The following PROS1 variants were observed in gnomAD, a reference collection of about 807,000 sequenced individuals.
PROS1 encodes the protein vitamin K-dependent protein S.
In PROS1, 29 loss-of-function variants were observed where a neutral mutation model predicts 75.9. The ratio of observed to expected loss-of-function variants is 0.38; its 90% CI spans 0.28 to 0.52. The LOEUF is 0.52. Ranked by LOEUF, PROS1 falls within the 20% of genes least tolerant of loss-of-function variation. The pLI, the probability that PROS1 is intolerant of heterozygous loss-of-function variation, is 0.83. For missense variants in PROS1, 680 were observed against 810.3 expected (o/e 0.84, Z 1.95); for synonymous variants, 245 against 280.6 (o/e 0.87, Z 1.27).
chr3:93,910,803 C>T (rs1708749725), intron 3 of PROS1, 98 bp from the exon 4 acceptor site: 7 of 931,316 alleles, frequency 7.5e-6, no homozygotes, highest in Non-Finnish European at 1.2e-5. Context: ...CATTTATGCT[C>T]CTGTAGATTC....
chr3:93,947,911 T>C (rs1299855050), intron 1 of PROS1, among the ~76,000 whole-genome samples: 2 of 152,136 alleles, frequency 1.3e-5, no homozygotes, highest in Non-Finnish European at 2.9e-5. Flanking sequence ...CCCCCTTACC[T>C]TGGCATTGCC....
At chr3:93,880,099 A>G (rs1393365116) in intron 12 of PROS1, among the ~76,000 whole-genome samples, 1 of 152,228 alleles carries the variant, frequency 6.6e-6, no homozygotes, top group Non-Finnish European at 1.5e-5. Flanking sequence ...TACCACACGG[A>G]GCCCTTGAAA....
chr3:93,940,010 C>G (rs755511430), intron 1 of PROS1, among the ~76,000 whole-genome samples: 3 of 152,256 alleles, frequency 2.0e-5, no homozygotes, highest in Admixed American at 6.5e-5. Context: ...CACACAAGAA[C>G]TTCAAAACGC....
intron 10 of PROS1, among the ~76,000 whole-genome samples, chr3:93,891,440 T>G (rs1708429488): frequency 6.6e-6 from 1 of 152,152 alleles, no homozygotes; most frequent in African/African-American, 2.4e-5. Flanking sequence ...TTCTTTCTTT[T>G]TATTTTTGAG....
At position 93,911,859 on chromosome 3, in the gene PROS1, G is replaced by C. The variant is rs146971637; in HGVS notation, c.260-1154C>G. Among the ~76,000 whole-genome samples, 38 of 152,312 alleles carry C rather than the reference G, an allele frequency of 2.5e-4. No homozygotes were observed. The East Asian group carries it at 6.2e-3, about 25-fold the overall frequency. On this transcript the variant is annotated intron_variant, in intron 3 of 14. Transcript: ENST00000394236. ...AGGGTCCACCCAGATTCAAAGGGTA[G>C]GGTGTGGGTGGGGGATTTATTCTAC...
intron 3 of PROS1, among the ~76,000 whole-genome samples, chr3:93,917,395 G>A (rs1708873174): frequency 6.6e-6 from 1 of 152,230 alleles, no homozygotes; most frequent in Non-Finnish European, 1.5e-5. Context: ...CACCTCCTGG[G>A]TTCAAGTGAT....
intron 1 of PROS1, among the ~76,000 whole-genome samples, chr3:93,937,752 C>G (rs1709208522): frequency 6.6e-6 from 1 of 152,166 alleles, no homozygotes; most frequent in South Asian, 2.1e-4. Context: ...TCTTTGGTTT[C>G]ACTTCCTTGT....
chr3:93,903,618 C>T (rs574986339), intron 6 of PROS1, among the ~76,000 whole-genome samples: 5 of 152,140 alleles, frequency 3.3e-5, no homozygotes, highest in East Asian at 3.9e-4. Context: ...GAGTTGAGAT[C>T]GTTCCACTGC....
chr3:93,933,878 G>A (rs1238879337), intron 1 of PROS1, among the ~76,000 whole-genome samples: 1 of 152,060 alleles, frequency 6.6e-6, no homozygotes, highest in Non-Finnish European at 1.5e-5. Context: ...GCACGGTGGT[G>A]CGTGCTTGTA....
At chr3:93,927,443 T>G in intron 1 of PROS1, 36 bp from the exon 2 acceptor site, 1 of 1,598,952 alleles carries the variant, frequency 6.3e-7, no homozygotes. Context: ...AATTAATCAT[T>G]TTTCCATGTA....
At chr3:93,891,578 T>G (rs1708431274) in intron 10 of PROS1, among the ~76,000 whole-genome samples, 1 of 152,000 alleles carries the variant, frequency 6.6e-6, no homozygotes, top group South Asian at 2.1e-4. Context: ...CCTGACTAAT[T>G]TTTGTATTTT....
chr3:93,965,895 A>C (rs1324840761), intron 1 of PROS1, among the ~76,000 whole-genome samples: 1 of 151,970 alleles, frequency 6.6e-6, no homozygotes, highest in Non-Finnish European at 1.5e-5. Context: ...GGGTTTCATC[A>C]TGTTGGCCAG....
intron 3 of PROS1, among the ~76,000 whole-genome samples, chr3:93,920,902 G>A (rs1190756969): frequency 6.6e-6 from 1 of 152,026 alleles, no homozygotes. Flanking sequence ...CTGAACTGAA[G>A]TGTGAAAATT....
intron 2 of PROS1, among the ~76,000 whole-genome samples, chr3:93,926,320 A>C (rs1366594565): frequency 6.6e-6 from 1 of 152,172 alleles, no homozygotes; most frequent in Non-Finnish European, 1.5e-5. Flanking sequence ...TACAATTGTG[A>C]CTTAAAATCT....
intron 1 of PROS1, among the ~76,000 whole-genome samples, chr3:93,970,320 T>C (rs1453548981): frequency 6.6e-6 from 1 of 152,118 alleles, no homozygotes; most frequent in Admixed American, 6.5e-5. Context: ...GATTAAAATA[T>C]GTAGACAGTA....
chr3:93,940,951 C>T (rs1056106059), intron 1 of PROS1, among the ~76,000 whole-genome samples: 2 of 152,108 alleles, frequency 1.3e-5, no homozygotes, highest in Non-Finnish European at 2.9e-5. Context: ...GTGCCCAACC[C>T]GTACACTCTT....
At position 93,931,647 on chromosome 3, in the gene PROS1, C is replaced by T. The variant is rs115996372; in HGVS notation, c.77-4240G>A. 2.0e-3 allele frequency among the ~76,000 whole-genome samples: 301 copies of T among 152,308 alleles called. 1 individual carries two copies. The highest frequency in any genetic ancestry group is 6.7e-3 in the African/African-American group (277 of 41,570). Reference sequence around the variant, plus strand: ...TCACACTGACTGCTTGAATCCCTTTCCTTTAGGGCCCAATCGGACAGCTAC... The same window carrying T: ...TCACACTGACTGCTTGAATCCCTTTTCTTTAGGGCCCAATCGGACAGCTAC... On this transcript the variant is annotated intron_variant, in intron 1 of 14. Coordinates refer to ENST00000394236, the MANE Select transcript of PROS1 (RefSeq NM_000313.4).
intron 1 of PROS1, among the ~76,000 whole-genome samples, chr3:93,942,757 C>G (rs1709308363): frequency 6.6e-6 from 1 of 152,240 alleles, no homozygotes; most frequent in Admixed American, 6.5e-5. Context: ...TAGAACCTCT[C>G]ATTTGCTTTC....
At chr3:93,875,097 C>T (rs1357826592) in intron 14 of PROS1, among the ~76,000 whole-genome samples, 1 of 152,018 alleles carries the variant, frequency 6.6e-6, no homozygotes, top group African/African-American at 2.4e-5. Context: ...AACTTGCCAA[C>T]ACAGTGAATA....
Sources: allele counts gnomAD v4.1 joint callset (sites outside exome capture counted in the v4.1 genomes callset), GRCh38; gene constraint gnomAD v4.1.1; transcripts MANE v1.5; gene names NCBI Gene and HGNC (gene_info 2026-07-23, HGNC 2026-07-21).